The following CHD9NB variants were observed in gnomAD, a reference collection of about 807,000 sequenced individuals.
CHD9NB encodes CHD9 neighbor.
the CHD9NB span, chr16:53,043,739 G>A: frequency 3.3e-6 from 1 of 305,306 alleles, no homozygotes; most frequent in Non-Finnish European, 6.0e-6. Flanking sequence ...AGAAGTTGCA[G>A]GAAAGTTCCA....
the CHD9NB span, among the ~76,000 whole-genome samples, chr16:53,045,122 T>C: frequency 6.6e-6 from 1 of 152,164 alleles, no homozygotes; most frequent in African/African-American, 2.4e-5. Context: ...TTTGTTTTTT[T>C]GTAGAGGTGC....
the CHD9NB span, among the ~76,000 whole-genome samples, chr16:53,050,558 A>G: frequency 6.6e-6 from 1 of 152,188 alleles, no homozygotes; most frequent in African/African-American, 2.4e-5. Flanking sequence ...GAAAGAGTCA[A>G]TGAGACAGAA....
chr16:53,047,938 G>A, the CHD9NB span, among the ~76,000 whole-genome samples: 6 of 147,544 alleles, frequency 4.1e-5, no homozygotes, highest in African/African-American at 1.2e-4. Flanking sequence ...AGTCCAGGCT[G>A]TAGTGAGCTA....
the CHD9NB span, among the ~76,000 whole-genome samples, chr16:53,041,962 C>A: frequency 6.6e-6 from 1 of 152,198 alleles, no homozygotes; most frequent in Admixed American, 6.5e-5. Context: ...CCCCATCCCT[C>A]CTGCTCCTCC....
the CHD9NB span, among the ~76,000 whole-genome samples, chr16:53,051,752 A>G: frequency 7.1e-6 from 1 of 140,616 alleles, no homozygotes; most frequent in African/African-American, 2.8e-5. Flanking sequence ...CCTGTACCCT[A>G]CAACTTAAAA....
chr16:53,049,048 G>A, the CHD9NB span, among the ~76,000 whole-genome samples: 2 of 152,160 alleles, frequency 1.3e-5, no homozygotes, highest in African/African-American at 2.4e-5. Flanking sequence ...TAATAGAGAT[G>A]GGGTCGCACT....
At chr16:53,040,455 T>C in the CHD9NB span, among the ~76,000 whole-genome samples, 1 of 152,186 alleles carries the variant, frequency 6.6e-6, no homozygotes, top group African/African-American at 2.4e-5. Flanking sequence ...ACACTGTACA[T>C]TGTGCCCCAT....
chr16:53,050,984 T>G, the CHD9NB span, among the ~76,000 whole-genome samples: 1 of 151,964 alleles, frequency 6.6e-6, no homozygotes, highest in Non-Finnish European at 1.5e-5. Context: ...GCCTCTCGGG[T>G]TCACGCCATT....
chr16:53,041,946 C>T, the CHD9NB span, among the ~76,000 whole-genome samples: 1 of 152,226 alleles, frequency 6.6e-6, no homozygotes. Flanking sequence ...GGCCAGCTGA[C>T]AGGGCCCCCA....
the CHD9NB span, chr16:53,044,092 C>T: frequency 3.8e-5 from 15 of 398,676 alleles, no homozygotes; most frequent in Admixed American, 1.8e-4. Context: ...TCTCTTCCCT[C>T]GCGCTCTTCT....
the CHD9NB span, among the ~76,000 whole-genome samples, chr16:53,050,169 C>T: frequency 6.6e-6 from 1 of 152,078 alleles, no homozygotes; most frequent in Admixed American, 6.5e-5. Context: ...CTCCACCCTA[C>T]TCCAGCCTGG....
At chr16:53,042,421 T>C in the CHD9NB span, among the ~76,000 whole-genome samples, 3 of 147,484 alleles carry the variant, frequency 2.0e-5, no homozygotes, top group South Asian at 6.6e-4. Context: ...CTTCCTCTGT[T>C]TCCCCTCCTC....
chr16:53,049,024 T>G, the CHD9NB span, among the ~76,000 whole-genome samples: 1 of 152,150 alleles, frequency 6.6e-6, no homozygotes, highest in African/African-American at 2.4e-5. Flanking sequence ...TATTTATTTG[T>G]TTATATTATT....
the CHD9NB span, among the ~76,000 whole-genome samples, chr16:53,048,051 G>A: frequency 6.8e-6 from 1 of 146,340 alleles, no homozygotes; most frequent in African/African-American, 2.5e-5. Context: ...AGGGAGGGAG[G>A]GAGGGAGGAA....
chr16:53,045,144 G>A, the CHD9NB span, among the ~76,000 whole-genome samples: 54 of 151,960 alleles, frequency 3.6e-4, 1 homozygote, highest in East Asian at 0.01. Flanking sequence ...GGGAGTTGGA[G>A]GGTGGTGGGG....
the CHD9NB span, among the ~76,000 whole-genome samples, chr16:53,046,585 TGAG>T: frequency 6.6e-6 from 1 of 151,590 alleles, no homozygotes; most frequent in Admixed American, 6.6e-5. Flanking sequence ...CTTGGGAGGC[TGAG>T]GAGGGAGGAT....
the CHD9NB span, among the ~76,000 whole-genome samples, chr16:53,044,558 C>A: frequency 6.6e-6 from 1 of 152,210 alleles, no homozygotes; most frequent in Non-Finnish European, 1.5e-5. Flanking sequence ...TATCTCAGGG[C>A]CACATTAAGT....
the CHD9NB span, among the ~76,000 whole-genome samples, chr16:53,047,599 T>A: frequency 3.7e-3 from 558 of 152,332 alleles, 7 homozygotes; most frequent in South Asian, 0.027. Flanking sequence ...ACCAGTTCTA[T>A]CAGATTTCAG....
At chr16:53,045,681 G>A in the CHD9NB span, among the ~76,000 whole-genome samples, 1 of 152,198 alleles carries the variant, frequency 6.6e-6, no homozygotes, top group Non-Finnish European at 1.5e-5. Flanking sequence ...CACTTGTGGA[G>A]GGCAGGTGCA....
Sources: gnomAD v4.1 joint callset for allele counts (sites outside exome capture counted in the v4.1 genomes callset) on GRCh38, gnomAD v4.1.1 for gene constraint, MANE v1.5 for transcripts, NCBI Gene and HGNC (gene_info 2026-07-23, HGNC 2026-07-21) for gene names.